Variants in TPTE2 observed in about 807,000 individuals in gnomAD.
The protein encoded by TPTE2 is transmembrane phosphoinositide 3-phosphatase and tensin homolog 2.
In TPTE2, 53 loss-of-function variants were observed where a neutral mutation model predicts 78.6. That is an observed-to-expected ratio of 0.67 (90% CI 0.54 to 0.85). The LOEUF (loss-of-function observed/expected upper bound fraction) is 0.85. Ranked by LOEUF, TPTE2 falls within the 40% of genes least tolerant of loss-of-function variation. The pLI, the probability that TPTE2 is intolerant of heterozygous loss-of-function variation, is 0.00. For synonymous variants in TPTE2, 175 were observed against 206.2 expected, an observed-to-expected ratio of 0.85 and a Z score of 1.30; for missense variants, 461 against 623.0, an observed-to-expected ratio of 0.74 and a Z score of 2.77.
intron 1 of TPTE2, among the ~76,000 whole-genome samples, chr13:19,528,557 T>C (rs1385427759): frequency 1.3e-5 from 2 of 152,202 alleles, no homozygotes; most frequent in African/African-American, 2.4e-5. Flanking sequence ...CACATCCTTA[T>C]AACATAACAG....
chr13:19,434,786 C>A (rs1335109992), intron 15 of TPTE2, among the ~76,000 whole-genome samples: 2 of 152,142 alleles, frequency 1.3e-5, no homozygotes, highest in Admixed American at 6.5e-5. Context: ...TTTCGGAATT[C>A]CCAACCCGCT....
intron 1 of TPTE2, among the ~76,000 whole-genome samples, chr13:19,522,406 TGAA>T (rs1398770448): frequency 2.6e-5 from 4 of 152,116 alleles, no homozygotes; most frequent in Non-Finnish European, 5.9e-5. Context: ...CACAAAATTG[TGAA>T]GAAGAACAAA....
chr13:19,552,262 CAAGT>C, the TPTE2 span, among the ~76,000 whole-genome samples: 1 of 152,118 alleles, frequency 6.6e-6, no homozygotes, highest in African/African-American at 2.4e-5. Flanking sequence ...GAAAATTCAC[CAAGT>C]AATAACCTGT....
At chr13:19,531,004 T>C (rs1870836585) in intron 1 of TPTE2, among the ~76,000 whole-genome samples, 1 of 152,128 alleles carries the variant, frequency 6.6e-6, no homozygotes, top group Non-Finnish European at 1.5e-5. Context: ...AAACACTAAG[T>C]CTCTATTCTC....
At chr13:19,438,102 A>G in exon 14 of TPTE2, 1 of 1,607,724 alleles carries the variant, frequency 6.2e-7, no homozygotes, top group Non-Finnish European at 8.5e-7. Flanking sequence ...CTCGGCAGTT[A>G]AAAATATTTC....
chr13:19,489,753 T>A (rs1407382810), intron 3 of TPTE2, among the ~76,000 whole-genome samples: 2 of 60,160 alleles, frequency 3.3e-5, no homozygotes, highest in Non-Finnish European at 6.4e-5. Context: ...CATATATACA[T>A]GTGTGTTATA....
At position 19,535,638 on chromosome 13, in the gene TPTE2, ATTTATTTAT is replaced by A. The variant is rs1363332555; in HGVS notation, c.-44+949_-44+957del. On this transcript the variant is annotated intron_variant, in intron 1 of 17. Transcript: ENST00000390680. This position sits in a 1 kb window ranked among gnomAD's most constrained non-coding sequence, Gnocchi z 5.1. ...TATTTATTTATTTATTTATTTATTT[ATTTATTTAT>A]TTTGAGACGGAGTCTCACTCTGTCA... is the stretch of plus-strand genomic sequence containing the variant. Among the ~76,000 whole-genome samples the A allele has an allele frequency of 3.6e-5, 5 of 138,480 alleles. No homozygotes were observed. Among genetic ancestry groups the A allele is most frequent in the Non-Finnish European group, 1.6e-5 (1 of 64,212 alleles). 90.8% of individuals were successfully genotyped at this position (138,480 alleles called of 152,430 possible). A position where few individuals can be genotyped will look rare whatever the true frequency, so the allele number is the denominator to read the frequency against.
upstream of TPTE2, among the ~76,000 whole-genome samples, chr13:19,538,672 C>A (rs1871347469): frequency 6.6e-6 from 1 of 151,868 alleles, no homozygotes; most frequent in South Asian, 2.1e-4. Context: ...GGGATTACCA[C>A]ACCTGGCAAA....
At chr13:19,556,587 C>T in the TPTE2 span, among the ~76,000 whole-genome samples, 6 of 152,142 alleles carry the variant, frequency 3.9e-5, no homozygotes, top group Non-Finnish European at 7.4e-5. Flanking sequence ...AGTGTTATGG[C>T]ATAATCGTGG....
chr13:19,438,216 C>T (rs1877250241), intron 13 of TPTE2, 63 bp from the exon 17 acceptor site: 1 of 1,552,910 alleles, frequency 6.4e-7, no homozygotes, highest in South Asian at 1.2e-5. Context: ...CAGAAATATT[C>T]AAGGAGTGCA....
intron 1 of TPTE2, among the ~76,000 whole-genome samples, chr13:19,496,591 T>C (rs1307345917): frequency 6.6e-6 from 1 of 152,180 alleles, no homozygotes; most frequent in Non-Finnish European, 1.5e-5. Flanking sequence ...ACCAACCTCA[T>C]ATGTTGACAG....
chr13:19,426,762 T>C (rs1450358816), intron 17 of TPTE2, among the ~76,000 whole-genome samples: 1 of 152,212 alleles, frequency 6.6e-6, no homozygotes, highest in Non-Finnish European at 1.5e-5. Flanking sequence ...TGGAGTGCAG[T>C]GGCGTGATCT....
chr13:19,547,729 A>ATATATATATATG, the TPTE2 span, among the ~76,000 whole-genome samples: 1 of 146,490 alleles, frequency 6.8e-6, no homozygotes, highest in Non-Finnish European at 1.5e-5. Context: ...ACATATATAT[A>ATATATATATATG]TATATATATA....
chr13:19,461,549 C>T (rs1878894158), intron 10 of TPTE2, among the ~76,000 whole-genome samples: 1 of 152,136 alleles, frequency 6.6e-6, no homozygotes, highest in Admixed American at 6.5e-5. Context: ...TCTCATATTT[C>T]TTTGTTGATT....
intron 7 of TPTE2, 94 bp from the exon 11 acceptor site, chr13:19,465,658 A>G: frequency 2.8e-6 from 3 of 1,072,192 alleles, no homozygotes; most frequent in Non-Finnish European, 4.0e-6. Flanking sequence ...ACCAGAGGCA[A>G]TTTTCCCTCC....
chr13:19,470,899 A>ATT (rs1326175137), intron 6 of TPTE2, among the ~76,000 whole-genome samples: 1 of 137,900 alleles, frequency 7.3e-6, no homozygotes, highest in Admixed American at 7.0e-5. Flanking sequence ...TTATTTATTT[A>ATT]TTTATTTATT....
At chr13:19,516,083 A>G (rs1281912964) in intron 1 of TPTE2, among the ~76,000 whole-genome samples, 2 of 152,204 alleles carry the variant, frequency 1.3e-5, no homozygotes. Context: ...AGAATTGCAA[A>G]CTGTCCTAAA....
intron 1 of TPTE2, among the ~76,000 whole-genome samples, chr13:19,520,592 G>C (rs974624971): frequency 1.3e-5 from 2 of 151,180 alleles, no homozygotes; most frequent in African/African-American, 4.9e-5. Flanking sequence ...TTTTCTGCTT[G>C]CTATTTTATT....
At chr13:19,437,643 C>T (rs559689225) in intron 14 of TPTE2, among the ~76,000 whole-genome samples, 77 of 152,212 alleles carry the variant, frequency 5.1e-4, no homozygotes, top group African/African-American at 1.7e-3. Flanking sequence ...AGAGCAGGGC[C>T]AGGTGAAGTG....
Sources: allele counts gnomAD v4.1 joint callset (sites outside exome capture counted in the v4.1 genomes callset), GRCh38; gene constraint gnomAD v4.1.1; non-coding constraint Gnocchi (gnomAD v3.1); transcripts MANE v1.5; gene names NCBI Gene and HGNC (gene_info 2026-07-23, HGNC 2026-07-21).